The following TMCC1 variants were observed in gnomAD, a reference collection of about 807,000 sequenced individuals.
TMCC1 encodes transmembrane and coiled-coil domain family 1.
A neutral mutation model predicts 52.4 loss-of-function variants in TMCC1; 15 were observed. That is an observed-to-expected ratio of 0.29 (90% CI 0.19 to 0.44). The LOEUF is 0.44. Among genes scored for constraint, TMCC1 ranks in the 20% least tolerant of loss-of-function variants. TMCC1 has a pLI of 1.00. For missense variants in TMCC1, 503 were observed against 806.0 expected (o/e 0.62, Z 4.55); for synonymous variants, 279 against 301.9 (o/e 0.92, Z 0.79).
At chr3:129,802,723 G>A (rs1269678092) in intron 4 of TMCC1, among the ~76,000 whole-genome samples, 2 of 152,132 alleles carry the variant, frequency 1.3e-5, no homozygotes, top group South Asian at 4.2e-4. Flanking sequence ...ACACCTGTTT[G>A]TGCCCCTCTC....
At chr3:129,703,470 G>A (rs1343910113) in intron 4 of TMCC1, among the ~76,000 whole-genome samples, 1 of 152,202 alleles carries the variant, frequency 6.6e-6, no homozygotes, top group Non-Finnish European at 1.5e-5. Flanking sequence ...GGGGTTGGGA[G>A]AGTGCTAGTC....
At chr3:129,749,108 C>T (rs1393797542) in intron 4 of TMCC1, among the ~76,000 whole-genome samples, 3 of 150,248 alleles carry the variant, frequency 2.0e-5, no homozygotes, top group African/African-American at 7.4e-5. Flanking sequence ...AGTTACCGCC[C>T]CCTCAACCAC....
At chr3:129,778,276 C>A (rs758658987) in intron 4 of TMCC1, among the ~76,000 whole-genome samples, 2 of 152,098 alleles carry the variant, frequency 1.3e-5, no homozygotes, top group Admixed American at 6.6e-5. Flanking sequence ...TATTAATAGA[C>A]AAGGGTCTGC....
In TMCC1 at chr3:129,648,159, A is replaced by G. The variant is rs1424793872; in HGVS notation, c.*3322T>C. 6.6e-6 allele frequency: 1 copy of G among 152,344 alleles called. No homozygotes were observed. Among genetic ancestry groups the G allele is most frequent in the African/African-American group, 2.4e-5 (1 of 41,460 alleles). 9.4% of individuals were successfully genotyped at this position (152,344 alleles called of 1,614,324 possible). On this transcript the variant is annotated 3_prime_UTR_variant, in exon 7 of 7. Coordinates refer to ENST00000393238, the MANE Select transcript of TMCC1 (RefSeq NM_001017395.5). ...ATAATTTTGCCTGTGTCAGATTACA[A>G]TAATGTTTGGTTTTGTTTTAGTTGC...
At chr3:129,767,185 C>T (rs981252082) in intron 4 of TMCC1, among the ~76,000 whole-genome samples, 2 of 150,696 alleles carry the variant, frequency 1.3e-5, no homozygotes, top group East Asian at 2.0e-4. Context: ...CGCTTGAACC[C>T]GGGAGGCACA....
At chr3:129,761,807 G>A (rs1005280441) in intron 4 of TMCC1, among the ~76,000 whole-genome samples, 6 of 151,848 alleles carry the variant, frequency 4.0e-5, no homozygotes, top group Non-Finnish European at 7.4e-5. Context: ...CCTCGCCAAC[G>A]TGGTGAAACC....
intron 4 of TMCC1, among the ~76,000 whole-genome samples, chr3:129,741,149 C>A (rs1442007492): frequency 1.3e-5 from 2 of 152,130 alleles, no homozygotes; most frequent in Non-Finnish European, 2.9e-5. Flanking sequence ...TCAGGAAGAA[C>A]TGGATTAGAA....
intron 4 of TMCC1, among the ~76,000 whole-genome samples, chr3:129,718,599 T>G (rs1471436927): frequency 6.6e-6 from 1 of 152,222 alleles, no homozygotes; most frequent in Non-Finnish European, 1.5e-5. Context: ...AAAAGTTGAT[T>G]GCTTGATATG....
Position 129,849,609 on chromosome 3 carries a change from A to G in TMCC1, c.-183-16783T>C, listed in dbSNP as rs533387521. Among the ~76,000 whole-genome samples, 32 of 152,056 alleles carry G rather than the reference A, an allele frequency of 2.1e-4. 1 individual carries two copies. In the South Asian group the frequency reaches 6.4e-3, roughly 31 times the overall value. Reference sequence around the variant, plus strand: ...GAAACCCCCTCTCAACTAAAAAAATACAAAAAATTAGCCGGGGGTGGTGGC... The same window carrying G: ...GAAACCCCCTCTCAACTAAAAAAATGCAAAAAATTAGCCGGGGGTGGTGGC... On this transcript the variant is annotated intron_variant, in intron 2 of 6. Coordinates refer to ENST00000393238, the MANE Select transcript of TMCC1 (RefSeq NM_001017395.5).
intron 4 of TMCC1, among the ~76,000 whole-genome samples, chr3:129,708,069 T>C (rs1404921830): frequency 6.6e-6 from 1 of 152,200 alleles, no homozygotes; most frequent in Non-Finnish European, 1.5e-5. Flanking sequence ...GTCTTGCACG[T>C]TGAGAGGAAA....
chr3:129,888,384 G>T (rs142469063), intron 1 of TMCC1, among the ~76,000 whole-genome samples: 541 of 152,272 alleles, frequency 3.6e-3, no homozygotes, highest in African/African-American at 0.012. Context: ...CCTTGAGAGG[G>T]CCTAGAAGAT....
At chr3:129,887,486 G>A (rs1411343349) in intron 1 of TMCC1, among the ~76,000 whole-genome samples, 2 of 149,234 alleles carry the variant, frequency 1.3e-5, no homozygotes, top group African/African-American at 5.0e-5. Context: ...AGGCTGCAGT[G>A]AGCCAAGATC....
chr3:129,814,810 G>A (rs1160178537), intron 4 of TMCC1, among the ~76,000 whole-genome samples: 2 of 152,094 alleles, frequency 1.3e-5, no homozygotes, highest in Admixed American at 1.3e-4. Context: ...GACAAAGTAG[G>A]TCACTATATA....
intron 4 of TMCC1, among the ~76,000 whole-genome samples, chr3:129,825,548 G>A (rs1022089921): frequency 1.3e-5 from 2 of 151,952 alleles, no homozygotes; most frequent in African/African-American, 4.8e-5. Flanking sequence ...TGGGTGGTAG[G>A]GGGTTGAGAC....
intron 4 of TMCC1, among the ~76,000 whole-genome samples, chr3:129,808,694 T>C (rs1294143563): frequency 6.6e-6 from 1 of 150,840 alleles, no homozygotes; most frequent in Non-Finnish European, 1.5e-5. Context: ...ATTGGCATAA[T>C]GTAAACAGCA....
rs148069061 is a variant in TMCC1, at chr3:129,858,856, A to C, written c.-184+21453T>G. Among the ~76,000 whole-genome samples the C allele has an allele frequency of 2.4e-3, 365 of 152,290 alleles. 3 individuals carry two copies. Among genetic ancestry groups the C allele is most frequent in the African/African-American group, 8.1e-3 (336 of 41,564 alleles). Reference sequence around the variant, plus strand: ...CCTTGGTCCCCAACATATTTGTTGGAAAAAACACTTTCTTATTCATAGGCA... The same window carrying C: ...CCTTGGTCCCCAACATATTTGTTGGCAAAAACACTTTCTTATTCATAGGCA... On this transcript the variant is annotated intron_variant, in intron 2 of 6. Transcript: ENST00000393238.
chr3:129,840,524 A>G lies in TMCC1; in HGVS notation c.-183-7698T>C, dbSNP rs2059377400. Among the ~76,000 whole-genome samples, 3 of 152,202 alleles carry G rather than the reference A, an allele frequency of 2.0e-5. No homozygotes were observed. The South Asian group carries it at 6.2e-4, about 32-fold the overall frequency. On this transcript the variant is annotated intron_variant, in intron 2 of 6. Coordinates refer to ENST00000393238, the MANE Select transcript of TMCC1 (RefSeq NM_001017395.5). The stretch of plus-strand genomic sequence containing the variant: ...AGAACAAGAAAGATTGTCAAGGATA[A>G]AGAGGAGTGATCTGGTTTGGCTCTG...
intron 4 of TMCC1, among the ~76,000 whole-genome samples, chr3:129,771,769 T>A (rs1218447851): frequency 3.5e-5 from 2 of 56,888 alleles, no homozygotes; most frequent in East Asian, 5.3e-4. Context: ...AGCAAGACAC[T>A]GTCTCAAAAA....
chr3:129,811,843 C>T (rs189501762), intron 4 of TMCC1, among the ~76,000 whole-genome samples: 149 of 151,630 alleles, frequency 9.8e-4, no homozygotes, highest in African/African-American at 3.4e-3. Flanking sequence ...ACTCAGGAGG[C>T]TCAGGAAGGA....
Sources: gnomAD v4.1 joint callset for allele counts (sites outside exome capture counted in the v4.1 genomes callset) on GRCh38, gnomAD v4.1.1 for gene constraint, MANE v1.5 for transcripts, NCBI Gene and HGNC (gene_info 2026-07-23, HGNC 2026-07-21) for gene names.